SLC23A2: variants seen among roughly 807,000 people sequenced by gnomAD.
SLC23A2 encodes the protein solute carrier family 23 member 2, also known as Na(+)/L-ascorbic acid transporter 2.
Under a neutral mutation model 73.3 loss-of-function variants are expected in SLC23A2, and 36 were observed. The ratio of observed to expected loss-of-function variants is 0.49; its 90% CI spans 0.38 to 0.65. The LOEUF (loss-of-function observed/expected upper bound fraction) is 0.65. SLC23A2 is among the 30% of genes least tolerant of loss of function. The probability of loss-of-function intolerance (pLI) is 0.00; values close to 1 mark genes in which losing one functional copy is unlikely to be tolerated. For missense variants in SLC23A2, 507 were observed against 841.6 expected (o/e 0.60, Z 4.92); for synonymous variants, 343 against 327.3 (o/e 1.05, Z -0.52).
chr20:5,004,953 TG>T (rs2088174310), upstream of SLC23A2, among the ~76,000 whole-genome samples: 1 of 151,768 alleles, frequency 6.6e-6, no homozygotes, highest in Admixed American at 6.6e-5. Context: ...GAGCCGAGAT[TG>T]TGCCATTGCA....
At chr20:4,933,637 G>GAAAAA (rs907411891) in intron 2 of SLC23A2, among the ~76,000 whole-genome samples, 3 of 145,584 alleles carry the variant, frequency 2.1e-5, no homozygotes, top group African/African-American at 7.6e-5. Context: ...AGTCTCAAAA[G>GAAAAA]AAAAAAAAAA....
intron 1 of SLC23A2, among the ~76,000 whole-genome samples, chr20:4,990,641 G>A (rs1011178617): frequency 1.3e-5 from 2 of 148,800 alleles, no homozygotes; most frequent in African/African-American, 5.0e-5. Flanking sequence ...CCAAAGTGCT[G>A]GGATTTCAGG....
At chr20:4,940,554 G>A (rs539221033) in intron 2 of SLC23A2, among the ~76,000 whole-genome samples, 1 of 151,932 alleles carries the variant, frequency 6.6e-6, no homozygotes, top group South Asian at 2.1e-4. Context: ...TTACCACCAA[G>A]TAACAAAATC....
intron 1 of SLC23A2, among the ~76,000 whole-genome samples, chr20:4,974,102 C>T (rs2087607258): frequency 6.6e-6 from 1 of 152,156 alleles, no homozygotes; most frequent in Admixed American, 6.6e-5. Flanking sequence ...CAGGCCAGAA[C>T]CTTTGAACAG....
chr20:4,860,271 CA>C (rs2122770836), intron 15 of SLC23A2, among the ~76,000 whole-genome samples: 1 of 152,294 alleles, frequency 6.6e-6, no homozygotes, highest in East Asian at 1.9e-4. Flanking sequence ...GTATACAGAG[CA>C]GTGAAAAATC....
chr20:4,985,110 C>A (rs1273083670), intron 1 of SLC23A2, among the ~76,000 whole-genome samples: 1 of 147,858 alleles, frequency 6.8e-6, no homozygotes, highest in African/African-American at 2.5e-5. Context: ...GCACTCCAGC[C>A]TGGTGACAGA....
intron 3 of SLC23A2, among the ~76,000 whole-genome samples, chr20:4,928,061 C>T (rs1007657533): frequency 7.2e-5 from 11 of 152,126 alleles, no homozygotes; most frequent in African/African-American, 2.4e-4. Flanking sequence ...ATTTTGGAGA[C>T]AGGGTCTTGC....
intron 2 of SLC23A2, among the ~76,000 whole-genome samples, chr20:4,955,487 T>G (rs555648982): frequency 6.6e-6 from 1 of 151,988 alleles, no homozygotes; most frequent in South Asian, 2.1e-4. Context: ...GTGATTCCCC[T>G]CTCTTTAAAG....
chr20:4,949,584 T>C (rs1315868974), intron 2 of SLC23A2, among the ~76,000 whole-genome samples: 1 of 152,080 alleles, frequency 6.6e-6, no homozygotes, highest in Non-Finnish European at 1.5e-5. Flanking sequence ...CCTTTGGAGA[T>C]TTTCTAGTAA....
At chr20:4,989,451 AT>A in intron 1 of SLC23A2, among the ~76,000 whole-genome samples, 1 of 152,172 alleles carries the variant, frequency 6.6e-6, no homozygotes, top group Admixed American at 6.6e-5. Context: ...CACAAAATTC[AT>A]TTATGTTTCA....
At chr20:4,938,106 C>T (rs1185722374) in intron 2 of SLC23A2, among the ~76,000 whole-genome samples, 2 of 150,750 alleles carry the variant, frequency 1.3e-5, no homozygotes, top group African/African-American at 4.9e-5. Context: ...TCACAGTTCA[C>T]TGCAGCCTTG....
intron 13 of SLC23A2, among the ~76,000 whole-genome samples, chr20:4,865,613 G>A (rs1025655252): frequency 6.6e-6 from 1 of 152,080 alleles, no homozygotes; most frequent in Non-Finnish European, 1.5e-5. Flanking sequence ...GCAGAAGGAG[G>A]AGGCTTGTTA....
At chr20:4,982,809 A>G (rs6038027) in intron 1 of SLC23A2, among the ~76,000 whole-genome samples, 34 of 152,172 alleles carry the variant, frequency 2.2e-4, no homozygotes, top group African/African-American at 6.0e-4. Context: ...GAGACAACCG[A>G]AAGTCCAAAT....
chr20:4,912,540 T>TAA (rs1932192340), intron 4 of SLC23A2, among the ~76,000 whole-genome samples: 1 of 152,020 alleles, frequency 6.6e-6, no homozygotes, highest in Non-Finnish European at 1.5e-5. Context: ...GTCTGACTCA[T>TAA]ATTTGCACCC....
Position 4,997,769 on chromosome 20 carries a change from C to A in SLC23A2, c.-282+3637G>T, listed in dbSNP as rs553828039. Among the ~76,000 whole-genome samples, 308 of 151,958 alleles carry A rather than the reference C, an allele frequency of 2.0e-3. 2 individuals carry two copies. The highest frequency in any genetic ancestry group is 7.0e-3 in the African/African-American group (289 of 41,496). ...CCTCCTGAGTAGCTGGGACTACAGG[C>A]ACTACTACCACGTCCAGCGAATTTT... On this transcript the variant is annotated intron_variant, in intron 1 of 16. Coordinates refer to ENST00000338244, the MANE Select transcript of SLC23A2 (RefSeq NM_005116.6).
At chr20:4,927,078 A>G (rs565506474) in intron 3 of SLC23A2, among the ~76,000 whole-genome samples, 1 of 152,192 alleles carries the variant, frequency 6.6e-6, no homozygotes, top group South Asian at 2.1e-4. Context: ...CCAACATTTC[A>G]GCCTCGCAAG....
rs181887435 is a variant in SLC23A2, at chr20:4,988,073, C to T, written c.-282+13333G>A. 5.9e-4 allele frequency among the ~76,000 whole-genome samples: 89 copies of T among 150,694 alleles called. 2 individuals carry two copies. In the South Asian group the frequency reaches 0.011, roughly 19 times the overall value. The stretch of plus-strand genomic sequence containing the variant: ...CAGCACTTTGGGAGGCCAAGGCAGA[C>T]GGATCACTCAAGGTCAGCAGTTCAA... On this transcript the variant is annotated intron_variant, in intron 1 of 16. Coordinates refer to ENST00000338244, the MANE Select transcript of SLC23A2 (RefSeq NM_005116.6).
At chr20:4,993,951 G>A (rs1392015785) in intron 1 of SLC23A2, among the ~76,000 whole-genome samples, 2 of 152,094 alleles carry the variant, frequency 1.3e-5, no homozygotes, top group East Asian at 1.9e-4. Context: ...TTAGTTGGGT[G>A]TAGTGGTACA....
In SLC23A2 at chr20:4,932,634, C is replaced by G. The variant is rs1932802307; in HGVS notation, c.-72G>C. 2.3e-6 allele frequency: 2 copies of G among 865,570 alleles called. No individual in the cohort carries two copies. The allele number at this position is 865,570 out of a possible 1,614,324, so 53.6% of individuals were successfully genotyped here. On this transcript the variant is annotated 5_prime_UTR_variant, in exon 3 of 17. Coordinates refer to ENST00000338244, the MANE Select transcript of SLC23A2 (RefSeq NM_005116.6). ...AGTGAAGGCTTATTCAAGCTAGGAGCCCAGGATCAGCCGGCTCTTCTAGTG... is the reference window on the plus strand; with the variant it reads ...AGTGAAGGCTTATTCAAGCTAGGAGGCCAGGATCAGCCGGCTCTTCTAGTG...
Sources: gnomAD v4.1 joint callset for allele counts (sites outside exome capture counted in the v4.1 genomes callset) on GRCh38, gnomAD v4.1.1 for gene constraint, MANE v1.5 for transcripts, NCBI Gene and HGNC (gene_info 2026-07-23, HGNC 2026-07-21) for gene names.